The following DOCK8 variants were observed in gnomAD, a reference collection of about 807,000 sequenced individuals.
DOCK8 encodes the protein dedicator of cytokinesis 8.
A neutral mutation model predicts 245.6 loss-of-function variants in DOCK8; 141 were observed. The ratio of observed to expected loss-of-function variants is 0.57; its 90% CI spans 0.50 to 0.66. The LOEUF (loss-of-function observed/expected upper bound fraction) is 0.66, where lower values mean the gene tolerates loss of function less well. Ranked by LOEUF, DOCK8 falls within the 30% of genes least tolerant of loss-of-function variation. The pLI, the probability that DOCK8 is intolerant of heterozygous loss-of-function variation, is 0.00. For missense variants in DOCK8, 2,965 were observed against 2,603.4 expected (o/e 1.14, Z -3.02); for synonymous variants, 1,168 against 970.2 (o/e 1.20, Z -3.79).
In DOCK8 at chr9:286,514, A is replaced by G. The variant is rs1287699190; in HGVS notation, c.210A>G (p.Thr70=). 1.2e-6 allele frequency: 2 copies of G among 1,613,876 alleles called. No homozygotes were observed. The highest frequency in any genetic ancestry group is 1.7e-5 in the Admixed American group (1 of 59,984). ...EPVDFEGLLM[T]HLNSLDVQLA... ...TGGACTTTGAAGGACTTCTGATGAC[A>G]CACCTGAACAGCCTGGATGTGCAGC... Residue 70 remains threonine (T), a synonymous_variant, in exon 3 of 48, where the codon ACA becomes ACG. Coordinates refer to ENST00000432829, the MANE Select transcript of DOCK8 (RefSeq NM_203447.4).
intron 1 of DOCK8, among the ~76,000 whole-genome samples, chr9:241,449 T>C (rs1025888827): frequency 1.3e-5 from 2 of 152,214 alleles, no homozygotes; most frequent in African/African-American, 4.8e-5. Context: ...TCGAAGTTTT[T>C]TAGCTTCTGC....
intron 1 of DOCK8, among the ~76,000 whole-genome samples, chr9:242,472 A>T (rs921616461): frequency 1.3e-5 from 2 of 152,218 alleles, no homozygotes; most frequent in Non-Finnish European, 2.9e-5. Context: ...TAGAGACAAT[A>T]TGATTATTAA....
chr9:357,243 A>G (rs182171149), intron 14 of DOCK8, among the ~76,000 whole-genome samples: 178 of 152,372 alleles, frequency 1.2e-3, no homozygotes, highest in Admixed American at 4.9e-3. Flanking sequence ...GTAATAGAAA[A>G]GGTATTCTAC....
chr9:232,843 A>C (rs2047150198), intron 1 of DOCK8, among the ~76,000 whole-genome samples: 1 of 152,044 alleles, frequency 6.6e-6, no homozygotes, highest in South Asian at 2.1e-4. Context: ...TTTTCAAAAA[A>C]CCAGCTCCTG....
chr9:325,188 A>G (rs1030261193), intron 7 of DOCK8, among the ~76,000 whole-genome samples: 2 of 152,210 alleles, frequency 1.3e-5, no homozygotes, highest in African/African-American at 4.8e-5. Context: ...TAGTGTATAG[A>G]TACCACATTT....
rs10972741 is a variant in DOCK8 at position 371,173 on chromosome 9, G to T, written c.1869-255G>T. Among the ~76,000 whole-genome samples, 30,757 of 129,308 alleles carry T rather than the reference G, an allele frequency of 0.24. 3,284 individuals carry two copies. The highest frequency in any genetic ancestry group is 0.31 in the Middle Eastern group (85 of 278). The allele number at this position is 129,308 out of a possible 152,430, so 84.8% of individuals were successfully genotyped here. ...GAGTTTTCCATTGTGTGGGGGAGTT[G>T]TTTTTTGTTTTTTGTTTTTTGTTTT... is the stretch of plus-strand genomic sequence containing the variant. On this transcript the variant is annotated intron_variant, in intron 16 of 47. Coordinates refer to ENST00000432829, the MANE Select transcript of DOCK8 (RefSeq NM_203447.4).
chr9:407,204 G>C (rs1056449819), intron 28 of DOCK8, 135 bp downstream of exon 28: 1 of 1,366,854 alleles, frequency 7.3e-7, no homozygotes, highest in Non-Finnish European at 1.0e-6. Context: ...AGAAACATCT[G>C]TCTTGAGAAT....
intron 26 of DOCK8, among the ~76,000 whole-genome samples, chr9:403,896 A>C (rs374780905): frequency 0.29 from 22,552 of 76,666 alleles, 3,265 homozygotes; most frequent in East Asian, 0.37. Flanking sequence ...CTCTCTCTAT[A>C]TATATATATA....
chr9:349,774 G>A (rs1325525882), intron 14 of DOCK8, among the ~76,000 whole-genome samples: 2 of 152,134 alleles, frequency 1.3e-5, no homozygotes, highest in South Asian at 2.1e-4. Flanking sequence ...TGTCCTTAAA[G>A]GTAATATACA....
intron 18 of DOCK8, among the ~76,000 whole-genome samples, chr9:374,194 T>C (rs951930377): frequency 3.3e-5 from 5 of 152,188 alleles, no homozygotes; most frequent in African/African-American, 1.2e-4. Context: ...TTTATAGATA[T>C]ACCCTTAGCC....
At chr9:303,094 A>G (rs928083963) in intron 4 of DOCK8, among the ~76,000 whole-genome samples, 2 of 152,112 alleles carry the variant, frequency 1.3e-5, no homozygotes, top group Non-Finnish European at 2.9e-5. Context: ...TAGGAATTCA[A>G]GGCTGCAGTG....
In DOCK8 at chr9:451,972, TATATA is replaced by T. The variant is rs765014354; in HGVS notation, c.5962-38_5962-34del. ...GTGTGTGTGTATATATATATATATATATATATTTTTTTTTTTTTTTTTTTTTTTTT... is the reference window on the plus strand; with the variant it reads ...GTGTGTGTGTATATATATATATATATTTTTTTTTTTTTTTTTTTTTTTTTT... On this transcript the variant is annotated intron_variant, in intron 45 of 47. Transcript: ENST00000432829. The T allele has an allele frequency of 2.8e-5, 10 of 357,264 alleles. 1 individual carries two copies. The highest frequency in any genetic ancestry group is 1.7e-4 in the South Asian group (5 of 28,960). The allele number at this position is 357,264 out of a possible 1,614,324, so 22.1% of individuals were successfully genotyped here.
Position 414,778 on chromosome 9 carries a change from A to T in DOCK8, c.3531-4A>T. The T allele has an allele frequency of 1.2e-6, 2 of 1,614,166 alleles. No individual in the cohort carries two copies. The highest frequency in any genetic ancestry group is 8.5e-7 in the Non-Finnish European group (1 of 1,180,010). On this transcript the variant is annotated splice_polypyrimidine_tract_variant and splice_region_variant and intron_variant, in intron 28 of 47. Transcript: ENST00000432829. ...ACCTCTTGATTCCTGTGTTGTGCCA[A>T]CAGAATCAGCAAAGTACAAAGGAAA...
chr9:283,862 G>A (rs930037691), intron 2 of DOCK8, among the ~76,000 whole-genome samples: 1 of 152,118 alleles, frequency 6.6e-6, no homozygotes, highest in African/African-American at 2.4e-5. Context: ...GTTCCATCCC[G>A]TGGATGTCTC....
chr9:287,279 A>C (rs10968086), intron 3 of DOCK8, among the ~76,000 whole-genome samples: 6,124 of 152,248 alleles, frequency 0.04, 273 homozygotes, highest in African/African-American at 0.11. Context: ...CTATATGTTT[A>C]TAGGCTTGGG....
At chr9:300,926 T>G (rs2049514723) in intron 4 of DOCK8, among the ~76,000 whole-genome samples, 1 of 152,204 alleles carries the variant, frequency 6.6e-6, no homozygotes, top group Non-Finnish European at 1.5e-5. Flanking sequence ...AAAGAAGAGC[T>G]AGTACCAATC....
chr9:214,852 T>G (rs763162923), upstream of DOCK8: 1 of 1,602,428 alleles, frequency 6.2e-7, no homozygotes, highest in Non-Finnish European at 8.5e-7. Context: ...TGCGGAAGTT[T>G]CCAGCGCCGA....
At chr9:382,045 G>A (rs1303209487) in intron 21 of DOCK8, among the ~76,000 whole-genome samples, 1 of 152,070 alleles carries the variant, frequency 6.6e-6, no homozygotes, top group Non-Finnish European at 1.5e-5. Flanking sequence ...ATGAAAAACA[G>A]TGCTGTATAC....
intron 14 of DOCK8, among the ~76,000 whole-genome samples, chr9:345,598 G>C (rs7856541): frequency 0.33 from 49,587 of 151,960 alleles, 10,011 homozygotes; most frequent in African/African-American, 0.56. Flanking sequence ...ATCTTTACCT[G>C]TCTTAAAGGA....
Sources: gnomAD v4.1 joint callset for allele counts (sites outside exome capture counted in the v4.1 genomes callset) on GRCh38, gnomAD v4.1.1 for gene constraint, MANE v1.5 for transcripts, NCBI Gene and HGNC (gene_info 2026-07-23, HGNC 2026-07-21) for gene names.